Variants in STX5 observed in about 807,000 individuals in gnomAD.
The protein encoded by STX5 is syntaxin-5.
STX5 carries 15 observed loss-of-function variants against 42.9 expected under a neutral mutation model. The ratio of observed to expected loss-of-function variants is 0.35; its 90% CI spans 0.23 to 0.54. The LOEUF is 0.54. STX5 is among the 20% of genes least tolerant of loss of function. STX5 has a pLI of 0.91. For missense variants in STX5, 430 were observed against 455.0 expected, an observed-to-expected ratio of 0.95 and a Z score of 0.50; for synonymous variants, 184 against 173.2, an observed-to-expected ratio of 1.06 and a Z score of -0.49.
intron 2 of STX5, chr11:62,830,494 G>C: frequency 2.2e-6 from 1 of 455,310 alleles, no homozygotes. Flanking sequence ...CTGCAAGTGA[G>C]CTATCATCAC....
At chr11:62,814,145 G>A (rs540615249) in intron 10 of STX5, among the ~76,000 whole-genome samples, 84 of 152,032 alleles carry the variant, frequency 5.5e-4, no homozygotes, top group African/African-American at 2.0e-3. Flanking sequence ...AGCCTATAGC[G>A]ATGCTCAGAA....
At position 62,827,201 on chromosome 11, in the gene STX5, T is replaced by C. The variant is rs765405206; in HGVS notation, c.377A>G (p.Asp126Gly). ...CTCTTCAATTTCCACTGCTTTATCA[T>C]CAAAGAGGGACTTGCGCTTTGCCAC... ...TILAKRKSLF[D>G]DKAVEIEELT... Residue 126 changes from aspartate (D) to glycine (G), a missense_variant, in exon 5 of 11, where the codon GAT (aspartate) becomes GGT (glycine). By Grantham distance (94) the Asp-to-Gly change is moderately conservative (BLOSUM62 -1). Transcript: ENST00000294179. 8.1e-6 allele frequency: 13 copies of C among 1,614,028 alleles called. No individual in the cohort carries two copies. The highest frequency in any genetic ancestry group is 1.7e-5 in the Admixed American group (1 of 59,998).
chr11:62,824,504 C>G lies in STX5; in HGVS notation c.741G>C (p.Met247Ile), dbSNP rs753192885. The G allele has an allele frequency of 1.2e-6, 2 of 1,614,214 alleles. No individual in the cohort carries two copies. Among genetic ancestry groups the G allele is most frequent in the Non-Finnish European group, 1.7e-6 (2 of 1,180,038 alleles). ...SHASKDVAID[M>I]MDSRTSQQLQ... is the part of the protein sequence containing the mutation. ...GCTGCTGGCTGGTCCGAGAGTCCAT[C>G]ATGTCGATGGCGACATCCTTGGAGG... The change falls in exon 9 of 11, where the codon ATG (methionine) becomes ATC (isoleucine). Residue 247 changes from methionine (M) to isoleucine (I), a missense_variant. Met to Ile is a conservative substitution (Grantham distance 10, BLOSUM62 1). Coordinates refer to ENST00000294179, the MANE Select transcript of STX5 (RefSeq NM_003164.5).
At chr11:62,831,892 C>T (rs1291051698) in intron 1 of STX5, 62 bp downstream of exon 1, 3 of 457,350 alleles carry the variant, frequency 6.6e-6, no homozygotes, top group Non-Finnish European at 1.3e-5. Context: ...GTCGTCGCCC[C>T]CGTAAAACCA....
At chr11:62,828,940 T>C (rs1270363322) in intron 2 of STX5, among the ~76,000 whole-genome samples, 1 of 151,828 alleles carries the variant, frequency 6.6e-6, no homozygotes, top group Non-Finnish European at 1.5e-5. Context: ...TGGCACCGCC[T>C]GTATTCCCAG....
intron 8 of STX5, 134 bp downstream of exon 8, chr11:62,824,902 G>T: frequency 1.2e-6 from 1 of 822,020 alleles, no homozygotes; most frequent in Non-Finnish European, 1.9e-6. Flanking sequence ...ATCTGGTTTG[G>T]CCTCTGAGAG....
intron 10 of STX5, among the ~76,000 whole-genome samples, chr11:62,816,788 G>A (rs909152548): frequency 3.3e-5 from 5 of 150,270 alleles, no homozygotes; most frequent in African/African-American, 9.8e-5. Flanking sequence ...GACTGTACTC[G>A]GGAGGCTGAG....
intron 2 of STX5, 62 bp downstream of exon 2, chr11:62,830,957 G>A (rs745927162): frequency 9.8e-5 from 141 of 1,436,052 alleles, no homozygotes; most frequent in Non-Finnish European, 1.4e-4. Flanking sequence ...CAGTGGTGGA[G>A]CACAGTCCTT....
rs2084565671 is a variant in STX5, at chr11:62,807,534, G to A, written c.1003C>T (p.Leu335Phe). 3.1e-6 allele frequency: 5 copies of A among 1,614,048 alleles called. No individual in the cohort carries two copies. Among genetic ancestry groups the A allele is most frequent in the Middle Eastern group, 3.3e-4 (2 of 6,084 alleles). The change falls in exon 11 of 11, where the codon CTC (leucine) becomes TTC (phenylalanine). Residue 335 changes from leucine to phenylalanine, a missense_variant. Coordinates refer to ENST00000294179, the MANE Select transcript of STX5 (RefSeq NM_003164.5). ...AGGATGAGGAAGATTTTGACCATGA[G>A]CCACCGGTTGGAGGTGACAGACTGG... ...YFQSVTSNRW[L>F]MVKIFLILIV...
intron 10 of STX5, among the ~76,000 whole-genome samples, chr11:62,820,308 G>A (rs1490936119): frequency 2.0e-5 from 3 of 150,538 alleles, no homozygotes; most frequent in Non-Finnish European, 1.5e-5. Flanking sequence ...GGTGGAGCTT[G>A]CAGTGAGCCG....
intron 10 of STX5, among the ~76,000 whole-genome samples, chr11:62,822,727 T>A (rs1229252479): frequency 6.6e-6 from 1 of 150,976 alleles, no homozygotes; most frequent in South Asian, 2.1e-4. Flanking sequence ...ACATACTATT[T>A]ATTATGACTT....
chr11:62,808,493 A>G (rs1259663016), intron 10 of STX5, among the ~76,000 whole-genome samples: 1 of 152,032 alleles, frequency 6.6e-6, no homozygotes, highest in East Asian at 1.9e-4. Context: ...GCCAGGCTGT[A>G]ATCCCAGCAC....
intron 10 of STX5, among the ~76,000 whole-genome samples, chr11:62,815,450 CAG>C (rs564181568): frequency 6.9e-4 from 96 of 138,708 alleles, no homozygotes; most frequent in African/African-American, 2.3e-3. Context: ...TTTTTTGAGA[CAG>C]AGTATCACTC....
At chr11:62,825,214 T>C in intron 7 of STX5, 69 bp downstream of exon 7, 1 of 1,611,428 alleles carries the variant, frequency 6.2e-7, no homozygotes, top group Non-Finnish European at 8.5e-7. Flanking sequence ...GTAGAACTTG[T>C]CCCTTCTTCA....
chr11:62,810,491 A>T (rs868278097), intron 10 of STX5, among the ~76,000 whole-genome samples: 1 of 152,220 alleles, frequency 6.6e-6, no homozygotes, highest in Non-Finnish European at 1.5e-5. Flanking sequence ...TAGTGACTAC[A>T]GGTGAAGGGA....
intron 10 of STX5, 48 bp from the exon 11 acceptor site, chr11:62,807,676 A>G (rs2084568208): frequency 6.2e-7 from 1 of 1,607,428 alleles, no homozygotes; most frequent in African/African-American, 1.3e-5. Context: ...ACTGGATTAA[A>G]AAGAATGCTG....
rs1432563359 is a variant in STX5 at position 62,831,958 on chromosome 11, C to T, written c.-24G>A. The T allele has an allele frequency of 1.3e-5, 6 of 460,598 alleles. No individual in the cohort carries two copies. Among genetic ancestry groups the T allele is most frequent in the Non-Finnish European group, 2.6e-5 (6 of 230,200 alleles). 28.5% of individuals were successfully genotyped at this position (460,598 alleles called of 1,614,324 possible). A position where few individuals can be genotyped will look rare whatever the true frequency, so the allele number is the denominator to read the frequency against. ...CCCTCTTAAAGCGAATCTTACCTCC[C>T]CTCTGCCGCCTGCCGCCGCCGCCAC... is the stretch of plus-strand genomic sequence containing the variant. On this transcript the variant is annotated 5_prime_UTR_variant, in exon 1 of 11. Transcript: ENST00000294179.
At chr11:62,830,046 C>CAAGGCAA (rs2084838431) in intron 2 of STX5, among the ~76,000 whole-genome samples, 2 of 103,718 alleles carry the variant, frequency 1.9e-5, no homozygotes, top group Non-Finnish European at 3.6e-5. Context: ...GTCTGGGCGA[C>CAAGGCAA]AAGGCAAAAT....
intron 7 of STX5, 80 bp from the exon 8 acceptor site, chr11:62,825,197 T>C (rs1372705233): frequency 1.1e-5 from 18 of 1,611,536 alleles, no homozygotes; most frequent in Non-Finnish European, 1.4e-5. Context: ...ATTGGCCCCA[T>C]GACCCTGTAG....
Sources: allele counts gnomAD v4.1 joint callset (sites outside exome capture counted in the v4.1 genomes callset), GRCh38; gene constraint gnomAD v4.1.1; transcripts MANE v1.5; gene names NCBI Gene and HGNC (gene_info 2026-07-23, HGNC 2026-07-21).